TRIM2: variants seen among roughly 807,000 people sequenced by gnomAD.
TRIM2 encodes the protein tripartite motif-containing protein 2.
In TRIM2, 20 loss-of-function variants were observed where a neutral mutation model predicts 75.2. The observed-to-expected ratio is 0.27, with a 90% CI of 0.19 to 0.39. The LOEUF (loss-of-function observed/expected upper bound fraction) is 0.39. Ranked by LOEUF, TRIM2 falls within the 10% of genes least tolerant of loss-of-function variation. TRIM2 has a pLI of 1.00. For synonymous variants in TRIM2, 373 were observed against 388.3 expected, an observed-to-expected ratio of 0.96 and a Z score of 0.46; for missense variants, 660 against 990.8, an observed-to-expected ratio of 0.67 and a Z score of 4.48.
Position 153,178,209 on chromosome 4 carries a change from C to T in TRIM2, c.-49+24939C>T, listed in dbSNP as rs535957417. Among the ~76,000 whole-genome samples the T allele has an allele frequency of 2.0e-5, 3 of 152,214 alleles. No homozygotes were observed. In the East Asian group the frequency reaches 5.8e-4, roughly 29 times the overall value. ...GAGCCCCACTGAGAGGTCAGGCTGG[C>T]CCTGTCTCGTAATGCAGCTCGGTTA... On this transcript the variant is annotated intron_variant, in intron 1 of 11. Coordinates refer to the TRIM2 transcript ENST00000437508.
At chr4:153,334,703 CAAAA>C in intron 11 of TRIM2, 107 bp from the exon 12 acceptor site, 14 of 1,097,532 alleles carry the variant, frequency 1.3e-5, no homozygotes, top group Non-Finnish European at 1.8e-5. Flanking sequence ...GAGACCCTGT[CAAAA>C]AGAAAGAAAG....
chr4:153,306,102 C>G (rs1764933852), intron 6 of TRIM2, among the ~76,000 whole-genome samples: 1 of 150,170 alleles, frequency 6.7e-6, no homozygotes, highest in African/African-American at 2.5e-5. Context: ...GCATTCCAGC[C>G]TGGATGACAG....
At chr4:153,298,935 C>T (rs981599503) in intron 6 of TRIM2, among the ~76,000 whole-genome samples, 3 of 152,002 alleles carry the variant, frequency 2.0e-5, no homozygotes, top group South Asian at 2.1e-4. Context: ...GGTTGGGTCT[C>T]GCCATGTTGC....
At chr4:153,305,623 A>G (rs1013472702) in intron 6 of TRIM2, among the ~76,000 whole-genome samples, 1 of 152,196 alleles carries the variant, frequency 6.6e-6, no homozygotes, top group African/African-American at 2.4e-5. Flanking sequence ...GGAAAAGCTG[A>G]AGGATAAGTG....
At chr4:153,334,685 G>A in intron 11 of TRIM2, 129 bp from the exon 12 acceptor site, 1 of 856,556 alleles carries the variant, frequency 1.2e-6, no homozygotes, top group Non-Finnish European at 1.7e-6. Context: ...CAGCCTGGGT[G>A]TCAGAGTGAG....
At chr4:153,255,901 A>C (rs140902885) in intron 1 of TRIM2, among the ~76,000 whole-genome samples, 1 of 152,328 alleles carries the variant, frequency 6.6e-6, no homozygotes, top group East Asian at 1.9e-4. Context: ...ACCTTTAGCG[A>C]CAGAAAGTAG....
At chr4:153,167,003 G>A (rs1255757868) in intron 1 of TRIM2, among the ~76,000 whole-genome samples, 1 of 152,160 alleles carries the variant, frequency 6.6e-6, no homozygotes, top group South Asian at 2.1e-4. Context: ...GGCTGTCAGG[G>A]TGTGTGTGGT....
chr4:153,184,638 AT>A (rs1475245675), intron 1 of TRIM2, among the ~76,000 whole-genome samples: 3 of 152,158 alleles, frequency 2.0e-5, no homozygotes, highest in Admixed American at 2.0e-4. Flanking sequence ...TTCATACCAG[AT>A]ATGAGAATGG....
chr4:153,211,782 C>T (rs7440583), intron 1 of TRIM2, among the ~76,000 whole-genome samples: 53,219 of 151,890 alleles, frequency 0.35, 10,224 homozygotes, highest in East Asian at 0.62. Context: ...AACCACCTCA[C>T]CCAGCCTACA....
intron 6 of TRIM2, among the ~76,000 whole-genome samples, chr4:153,300,299 G>A (rs1028447958): frequency 6.6e-6 from 1 of 151,842 alleles, no homozygotes; most frequent in Non-Finnish European, 1.5e-5. Flanking sequence ...TCCCCAGGCT[G>A]GAGTACAATG....
chr4:153,330,154 G>C (rs924129717), intron 11 of TRIM2, among the ~76,000 whole-genome samples: 2 of 152,082 alleles, frequency 1.3e-5, no homozygotes, highest in African/African-American at 4.8e-5. Context: ...TAACTATTAA[G>C]AAAATTTAAT....
intron 1 of TRIM2, among the ~76,000 whole-genome samples, chr4:153,234,775 A>G (rs1744574061): frequency 6.6e-6 from 1 of 152,170 alleles, no homozygotes; most frequent in Non-Finnish European, 1.5e-5. Flanking sequence ...CTATAGGTCA[A>G]ATTTTTATTC....
intron 1 of TRIM2, among the ~76,000 whole-genome samples, chr4:153,226,067 C>T (rs1742043875): frequency 6.6e-6 from 1 of 152,134 alleles, no homozygotes; most frequent in African/African-American, 2.4e-5. Context: ...GACAGTGGCT[C>T]ACTGTGTTGC....
intron 1 of TRIM2, among the ~76,000 whole-genome samples, chr4:153,247,690 A>C (rs1229788198): frequency 1.3e-5 from 2 of 150,514 alleles, no homozygotes; most frequent in Non-Finnish European, 2.9e-5. Context: ...AAAAAAAAAA[A>C]AAAAAAAAAA....
At chr4:153,193,998 C>T (rs1165578729) in intron 1 of TRIM2, among the ~76,000 whole-genome samples, 1 of 152,104 alleles carries the variant, frequency 6.6e-6, no homozygotes, top group Non-Finnish European at 1.5e-5. Flanking sequence ...GACTGAGAAG[C>T]CTGGACAAAC....
intron 1 of TRIM2, among the ~76,000 whole-genome samples, chr4:153,191,108 A>G (rs1460720545): frequency 6.6e-6 from 1 of 152,020 alleles, no homozygotes; most frequent in Admixed American, 6.6e-5. Context: ...TCTTCTTCTG[A>G]AGCTTAGCTT....
intron 1 of TRIM2, chr4:153,223,068 G>GA (rs2149769744): frequency 6.6e-6 from 1 of 151,646 alleles, no homozygotes; most frequent in Admixed American, 6.5e-5. Context: ...TGTGCCCTGG[G>GA]AACCCTCCCG....
intron 11 of TRIM2, among the ~76,000 whole-genome samples, chr4:153,330,263 A>G (rs1050889380): frequency 1.3e-5 from 2 of 152,212 alleles, no homozygotes; most frequent in African/African-American, 4.8e-5. Flanking sequence ...ATTGTATACA[A>G]TTTCTTCCAG....
At chr4:153,158,066 G>A (rs1213125618) in intron 1 of TRIM2, among the ~76,000 whole-genome samples, 1 of 152,192 alleles carries the variant, frequency 6.6e-6, no homozygotes, top group Non-Finnish European at 1.5e-5. Flanking sequence ...AGTTTACCCG[G>A]TTGCCTCTCT....
Sources: gnomAD v4.1 joint callset for allele counts (sites outside exome capture counted in the v4.1 genomes callset) on GRCh38, gnomAD v4.1.1 for gene constraint, MANE v1.5 for transcripts, NCBI Gene and HGNC (gene_info 2026-07-23, HGNC 2026-07-21) for gene names.